Variants in ARSF observed in about 807,000 individuals in gnomAD.
The protein encoded by ARSF is arylsulfatase F.
ARSF carries 33 observed loss-of-function variants against 35.4 expected under a neutral mutation model. The observed-to-expected ratio is 0.93, with a 90% confidence interval of 0.71 to 1.25. The LOEUF (loss-of-function observed/expected upper bound fraction) is 1.25. Ranked by LOEUF, ARSF falls within the 50% of genes most tolerant of loss-of-function variation. ARSF has a pLI of 0.00. For synonymous variants in ARSF, 222 were observed against 193.1 expected (o/e 1.15, Z -1.24); for missense variants, 501 against 480.2 (o/e 1.04, Z -0.40).
intron 7 of ARSF, among the ~76,000 whole-genome samples, chrX:3,093,866 G>C (rs943505261): frequency 4.5e-5 from 5 of 111,942 alleles, no homozygotes; most frequent in African/African-American, 1.6e-4. Context: ...TAGTATATAA[G>C]TGTTGCATCT....
At chrX:3,071,334 C>T (rs1195075070) in intron 2 of ARSF, among the ~76,000 whole-genome samples, 2 of 110,473 alleles carry the variant, frequency 1.8e-5, no homozygotes, top group Non-Finnish European at 3.8e-5. Context: ...GATGGAACCT[C>T]GGTCCGTCAC....
intron 1 of ARSF, among the ~76,000 whole-genome samples, chrX:3,044,630 G>T (rs2089967635): frequency 9.1e-6 from 1 of 110,320 alleles, no homozygotes; most frequent in Admixed American, 9.8e-5. Context: ...CTCTGGCTGG[G>T]CTCCCCTCCA....
intron 5 of ARSF, among the ~76,000 whole-genome samples, chrX:3,082,716 C>A (rs139157417): frequency 1.8e-5 from 2 of 111,171 alleles, no homozygotes; most frequent in African/African-American, 6.5e-5. Context: ...TTTATTTGTA[C>A]GTGTCATATT....
At chrX:3,088,992 T>G (rs2090268837) in intron 6 of ARSF, among the ~76,000 whole-genome samples, 1 of 111,482 alleles carries the variant, frequency 9.0e-6, no homozygotes, top group Non-Finnish European at 1.9e-5. Context: ...CTTTGGTAAG[T>G]CAGCTTCTCA....
chrX:3,111,837 A>C (rs1323865663), intron 10 of ARSF, among the ~76,000 whole-genome samples: 1 of 109,299 alleles, frequency 9.1e-6, no homozygotes, highest in African/African-American at 3.3e-5. Flanking sequence ...CAGGCATTAG[A>C]TTCTCATACG....
rs1211962995 is a variant in ARSF at position 3,041,650 on chromosome X, G to A, written c.-42G>A. 8.9e-6 allele frequency: 1 copy of A among 111,935 alleles called. No individual in the cohort carries two copies. The highest frequency in any genetic ancestry group is 1.9e-5 in the Non-Finnish European group (1 of 53,260). The allele number at this position is 111,935 out of a possible 1,213,427, so 9.2% of individuals were successfully genotyped here. A position where few individuals can be genotyped will look rare whatever the true frequency, so the allele number is the denominator to read the frequency against. ...GTCACTGTTGGGATCCAACCTTTTT[G>A]TTTGTATAAACTGGTGAGTTTGTGT... is the stretch of plus-strand genomic sequence containing the variant. On this transcript the variant is annotated 5_prime_UTR_variant, in exon 1 of 11. Transcript: ENST00000381127.
At chrX:3,073,157 A>C (rs888742376) in intron 3 of ARSF, among the ~76,000 whole-genome samples, 4 of 99,120 alleles carry the variant, frequency 4.0e-5, no homozygotes, top group Non-Finnish European at 7.9e-5. Context: ...ATTTATATAA[A>C]ATGAATATAT....
chrX:3,085,282 G>T (rs866243866), intron 6 of ARSF, among the ~76,000 whole-genome samples: 1 of 106,490 alleles, frequency 9.4e-6, no homozygotes, highest in Non-Finnish European at 1.9e-5. Flanking sequence ...TATACAATAT[G>T]TATATACTAT....
intron 7 of ARSF, among the ~76,000 whole-genome samples, chrX:3,095,163 C>T (rs1291624835): frequency 9.3e-6 from 1 of 107,837 alleles, no homozygotes; most frequent in Non-Finnish European, 1.9e-5. Context: ...TAATCATTTC[C>T]ATGGCCACTA....
At chrX:3,095,808 T>G (rs2147532245) in intron 7 of ARSF, among the ~76,000 whole-genome samples, 1 of 110,144 alleles carries the variant, frequency 9.1e-6, no homozygotes, top group African/African-American at 3.3e-5. Context: ...TTTGAGAGAC[T>G]TATAAGATGT....
chrX:3,076,783 G>A (rs2090155648), intron 4 of ARSF, 114 bp downstream of exon 4: 1 of 1,032,430 alleles, frequency 9.7e-7, no homozygotes, highest in Non-Finnish European at 1.3e-6. Flanking sequence ...GATGGCTCAC[G>A]CCTGTAATCC....
chrX:3,085,498 G>A (rs1433562323), intron 6 of ARSF, among the ~76,000 whole-genome samples: 1 of 109,568 alleles, frequency 9.1e-6, no homozygotes, highest in East Asian at 2.9e-4. Flanking sequence ...TGATACGTAA[G>A]GGCTATTTCA....
chrX:3,076,099 TTC>T (rs1333545136), intron 3 of ARSF, among the ~76,000 whole-genome samples: 2 of 106,939 alleles, frequency 1.9e-5, no homozygotes, highest in South Asian at 4.2e-4. Context: ...ATCTCTCTCT[TTC>T]TGTTTCTCTC....
chrX:3,085,369 A>G (rs754603252), intron 6 of ARSF, among the ~76,000 whole-genome samples: 1 of 106,738 alleles, frequency 9.4e-6, no homozygotes, highest in East Asian at 2.9e-4. Flanking sequence ...AAATATATAT[A>G]TATATCTGGA....
chrX:3,094,291 T>C (rs1410767571), intron 7 of ARSF, among the ~76,000 whole-genome samples: 1 of 112,016 alleles, frequency 8.9e-6, no homozygotes, highest in African/African-American at 3.2e-5. Context: ...CTACCTCTTA[T>C]GCAGGGCAAA....
chrX:3,111,965 G>A (rs1447872989), intron 10 of ARSF, among the ~76,000 whole-genome samples: 1 of 111,025 alleles, frequency 9.0e-6, no homozygotes, highest in African/African-American at 3.3e-5. Flanking sequence ...TAATGCCAAC[G>A]ATAGGGAATG....
intron 1 of ARSF, among the ~76,000 whole-genome samples, chrX:3,053,750 C>A (rs1441527210): frequency 9.7e-6 from 1 of 103,590 alleles, no homozygotes; most frequent in Non-Finnish European, 2.0e-5. Flanking sequence ...TGCCACCACG[C>A]CTGGGTAATT....
chrX:3,109,886 C>G (rs968898695), intron 9 of ARSF, among the ~76,000 whole-genome samples: 1 of 112,112 alleles, frequency 8.9e-6, no homozygotes, highest in Non-Finnish European at 1.9e-5. Flanking sequence ...ATCTTTTCGC[C>G]TTTGGGGCAT....
At chrX:3,055,050 A>G (rs753718426) in intron 1 of ARSF, among the ~76,000 whole-genome samples, 16 of 107,230 alleles carry the variant, frequency 1.5e-4, no homozygotes, top group African/African-American at 5.4e-4. Flanking sequence ...TGCACTTAAA[A>G]TCCAATCTTT....
Sources: allele counts gnomAD v4.1 joint callset (sites outside exome capture counted in the v4.1 genomes callset), GRCh38; gene constraint gnomAD v4.1.1; transcripts MANE v1.5; gene names NCBI Gene and HGNC (gene_info 2026-07-23, HGNC 2026-07-21).